Variants in DLGAP1 observed in about 807,000 individuals in gnomAD.
DLGAP1 encodes disks large-associated protein 1.
DLGAP1 carries 11 observed loss-of-function variants against 90.8 expected under a neutral mutation model. The ratio of observed to expected loss-of-function variants is 0.12; its 90% CI spans 0.08 to 0.20. The LOEUF is 0.20. Among genes scored for constraint, DLGAP1 ranks in the 10% least tolerant of loss-of-function variants. DLGAP1 has a pLI of 1.00. For synonymous variants in DLGAP1, 558 were observed against 540.7 expected (o/e 1.03, Z -0.44); for missense variants, 1,050 against 1,333.8 (o/e 0.79, Z 3.31).
At chr18:4,100,462 G>C (rs1028137377) in intron 2 of DLGAP1, among the ~76,000 whole-genome samples, 1 of 152,098 alleles carries the variant, frequency 6.6e-6, no homozygotes, top group African/African-American at 2.4e-5. Context: ...TCCATTTATT[G>C]AGCACAGGAA....
intron 7 of DLGAP1, among the ~76,000 whole-genome samples, chr18:3,689,593 C>T (rs536381250): frequency 6.6e-6 from 1 of 152,174 alleles, no homozygotes; most frequent in East Asian, 1.9e-4. Context: ...TGGAGAATTG[C>T]TACCCACCTC....
intron 2 of DLGAP1, among the ~76,000 whole-genome samples, chr18:4,105,991 C>T (rs1392358564): frequency 1.5e-5 from 2 of 133,330 alleles, no homozygotes; most frequent in African/African-American, 5.5e-5. Flanking sequence ...GAGATCGCGC[C>T]ACTGCACTCC....
chr18:3,879,577 G>A lies in DLGAP1; in HGVS notation c.492C>T (p.Asn164=), dbSNP rs1054343747. ...SLEGPSKGSV[N]GGKASPDEAQ... ...CCTCGTCAGGGCTGGCCTTGCCCCC[G>A]TTGACGCTGCCCTTGGACGGCCCCT... The change falls in exon 4 of 13, where the codon AAC becomes AAT. Residue 164 remains asparagine (N), a synonymous_variant. Coordinates refer to ENST00000315677, the MANE Select transcript of DLGAP1 (RefSeq NM_004746.4). This position sits in a 1 kb window ranked among gnomAD's most constrained non-coding sequence, Gnocchi z 6.6. 3.8e-6 allele frequency: 6 copies of A among 1,599,394 alleles called. No homozygotes were observed. The East Asian group carries it at 6.7e-5, about 18-fold the overall frequency.
At chr18:3,535,520 A>G (rs1479203705) in intron 9 of DLGAP1, among the ~76,000 whole-genome samples, 1 of 150,158 alleles carries the variant, frequency 6.7e-6, no homozygotes, top group Non-Finnish European at 1.5e-5. Context: ...CTCCTGGCTA[A>G]CACGGTGAAA....
chr18:4,085,423 G>A (rs1402407013), intron 2 of DLGAP1, among the ~76,000 whole-genome samples: 4 of 152,202 alleles, frequency 2.6e-5, no homozygotes. Flanking sequence ...TAAGTCAGAA[G>A]TTTGTTACCT....
intron 1 of DLGAP1, among the ~76,000 whole-genome samples, chr18:4,388,742 G>A (rs1016800352): frequency 1.3e-5 from 2 of 152,134 alleles, no homozygotes; most frequent in Non-Finnish European, 2.9e-5. Context: ...TAACTGTAAA[G>A]TATCTGATAT....
intron 2 of DLGAP1, among the ~76,000 whole-genome samples, chr18:4,065,896 C>CA (rs1471793391): frequency 6.6e-6 from 1 of 152,106 alleles, no homozygotes; most frequent in Non-Finnish European, 1.5e-5. Context: ...CTGAAGGCAT[C>CA]AAGCTCCCCA....
intron 3 of DLGAP1, among the ~76,000 whole-genome samples, chr18:4,002,385 G>C (rs7227582): frequency 1.3e-3 from 168 of 134,342 alleles, no homozygotes; most frequent in African/African-American, 2.6e-3. Context: ...ATTTTCTTCT[G>C]CCTCTCCCCG....
At chr18:3,846,420 C>T (rs2069017982) in intron 4 of DLGAP1, among the ~76,000 whole-genome samples, 1 of 152,070 alleles carries the variant, frequency 6.6e-6, no homozygotes, top group African/African-American at 2.4e-5. Flanking sequence ...ATAGTGTCAC[C>T]ATATGACCCA....
intron 1 of DLGAP1, among the ~76,000 whole-genome samples, chr18:4,190,137 T>C (rs1377889208): frequency 6.6e-6 from 1 of 151,956 alleles, no homozygotes; most frequent in Non-Finnish European, 1.5e-5. Context: ...GATGAAGGAA[T>C]AAACAAACTG....
chr18:4,029,386 G>A lies in DLGAP1; in HGVS notation c.-158-24185C>T, dbSNP rs149269998. On this transcript the variant is annotated intron_variant, in intron 2 of 12. Transcript: ENST00000315677. ...TATATACCCAGTAGTGGGAGTGCTG[G>A]TAGTTCTATTTTTAATTTTTTGAGG... Among the ~76,000 whole-genome samples, 335 of 152,236 alleles carry A rather than the reference G, an allele frequency of 2.2e-3. 1 individual carries two copies. The highest frequency in any genetic ancestry group is 6.8e-3 in the Middle Eastern group (2 of 294).
chr18:4,453,152 C>T (rs1226575253), intron 1 of DLGAP1, among the ~76,000 whole-genome samples: 1 of 152,140 alleles, frequency 6.6e-6, no homozygotes, highest in African/African-American at 2.4e-5. Context: ...ACTGAAACAA[C>T]TTTACATTTA....
intron 1 of DLGAP1, among the ~76,000 whole-genome samples, chr18:4,160,687 C>T (rs964577011): frequency 6.6e-6 from 1 of 151,984 alleles, no homozygotes; most frequent in Non-Finnish European, 1.5e-5. Context: ...CTATACAGAC[C>T]TAGGCAGTCT....
At chr18:3,849,253 A>T (rs1179208530) in intron 4 of DLGAP1, among the ~76,000 whole-genome samples, 1 of 152,132 alleles carries the variant, frequency 6.6e-6, no homozygotes, top group East Asian at 1.9e-4. Flanking sequence ...TTTGGGATCA[A>T]CTTTACTTAT....
Position 4,263,976 on chromosome 18 carries a change from A to T in DLGAP1, c.-266-112689T>A, listed in dbSNP as rs139130105. Among the ~76,000 whole-genome samples, 760 of 152,358 alleles carry T rather than the reference A, an allele frequency of 5.0e-3. 5 individuals are homozygous for T. Among genetic ancestry groups the T allele is most frequent in the Middle Eastern group, 0.014 (4 of 294 alleles). On this transcript the variant is annotated intron_variant, in intron 1 of 12. Coordinates refer to ENST00000315677, the MANE Select transcript of DLGAP1 (RefSeq NM_004746.4). Reference sequence around the variant, plus strand: ...AGCAAATAGTCTTTCTGAAGTCAACATTTCTTTAAGCATCACATATGAAGA... The same window carrying T: ...AGCAAATAGTCTTTCTGAAGTCAACTTTTCTTTAAGCATCACATATGAAGA...
At chr18:4,367,587 C>T (rs1159629600) in intron 1 of DLGAP1, among the ~76,000 whole-genome samples, 1 of 152,146 alleles carries the variant, frequency 6.6e-6, no homozygotes, top group Non-Finnish European at 1.5e-5. Flanking sequence ...AAAGCAGCTT[C>T]TTCAAGAAAC....
At chr18:4,066,961 G>A (rs1219427575) in intron 2 of DLGAP1, among the ~76,000 whole-genome samples, 2 of 152,162 alleles carry the variant, frequency 1.3e-5, no homozygotes, top group African/African-American at 2.4e-5. Flanking sequence ...TAAAGAAAAT[G>A]TGGTACATAT....
intron 5 of DLGAP1, among the ~76,000 whole-genome samples, chr18:3,790,168 C>T (rs934728640): frequency 2.0e-5 from 3 of 152,064 alleles, no homozygotes; most frequent in African/African-American, 7.2e-5. Context: ...TCTCTTTGTT[C>T]AGTTGGTAGA....
In DLGAP1 at chr18:4,384,960, T is replaced by A. The variant is rs2082200537; in HGVS notation, c.-267+70046A>T. ...GCTCCTTTTCTCTCCACTCCCTTTA[T>A]CTTCTTTGCTGATTCCGAACTCCAC... On this transcript the variant is annotated intron_variant, in intron 1 of 12. Coordinates refer to ENST00000315677, the MANE Select transcript of DLGAP1 (RefSeq NM_004746.4). Among the ~76,000 whole-genome samples, 3 of 152,286 alleles carry A rather than the reference T, an allele frequency of 2.0e-5. No homozygotes were observed. In the South Asian group the frequency reaches 6.2e-4, roughly 32 times the overall value.
Sources: gnomAD v4.1 joint callset for allele counts (sites outside exome capture counted in the v4.1 genomes callset) on GRCh38, gnomAD v4.1.1 for gene constraint, Gnocchi (gnomAD v3.1) non-coding constraint, MANE v1.5 for transcripts, NCBI Gene and HGNC (gene_info 2026-07-23, HGNC 2026-07-21) for gene names.